The following CSNK2A1 variants were observed in gnomAD, a reference collection of about 807,000 sequenced individuals.
CSNK2A1 encodes casein kinase II subunit alpha.
In CSNK2A1, 10 loss-of-function variants were observed where a neutral mutation model predicts 62.9. That is an observed-to-expected ratio of 0.16 (90% CI 0.10 to 0.27). The LOEUF is 0.27. Among genes scored for constraint, CSNK2A1 ranks in the 10% least tolerant of loss-of-function variants. The probability of loss-of-function intolerance (pLI) is 1.00; values close to 1 mark genes in which losing one functional copy is unlikely to be tolerated. For synonymous variants in CSNK2A1, 124 were observed against 167.8 expected (o/e 0.74, Z 2.02); for missense variants, 160 against 492.0 (o/e 0.33, Z 6.38).
At chr20:526,179 T>G (rs1223261550) in intron 2 of CSNK2A1, among the ~76,000 whole-genome samples, 1 of 151,424 alleles carries the variant, frequency 6.6e-6, no homozygotes, top group Non-Finnish European at 1.5e-5. Flanking sequence ...ATTGAGTCTT[T>G]AAAAATGCTC....
rs1179957054 is a variant in CSNK2A1 at position 492,126 on chromosome 20, A to G, written c.621+128T>C. ...GTGATTTATATTTTACATTTCATAT[A>G]AAAAGGACAGCTGTGAATGTGCATT... On this transcript the variant is annotated intron_variant, in intron 9 of 13. Coordinates refer to ENST00000217244, the MANE Select transcript of CSNK2A1 (RefSeq NM_177559.3). 6.0e-6 allele frequency: 4 copies of G among 668,594 alleles called. No homozygotes were observed. The African/African-American group carries it at 7.3e-5, about 12-fold the overall frequency. The allele number at this position is 668,594 out of a possible 1,614,324, so 41.4% of individuals were successfully genotyped here.
At position 478,673 on chromosome 20, in the gene CSNK2A1, A is replaced by C. The variant is rs756556901; in HGVS notation, c.*5288T>G. 12 of 429,828 alleles carry C rather than the reference A, an allele frequency of 2.8e-5. No homozygotes were observed. Among genetic ancestry groups the C allele is most frequent in the African/African-American group, 1.9e-4 (9 of 47,382 alleles). 26.6% of individuals were successfully genotyped at this position (429,828 alleles called of 1,614,324 possible). A position where few individuals can be genotyped will look rare whatever the true frequency, so the allele number is the denominator to read the frequency against. On this transcript the variant is annotated 3_prime_UTR_variant, in exon 14 of 14. Transcript: ENST00000217244. Reference sequence around the variant, plus strand: ...GCCAGGTGTGGTGGCTCATGCCTCTAATCTCAGCACTTTGGGAGGCCAAGG... The same window carrying C: ...GCCAGGTGTGGTGGCTCATGCCTCTCATCTCAGCACTTTGGGAGGCCAAGG...
At chr20:498,423 C>T (rs2018390896) in intron 6 of CSNK2A1, 1 of 150,804 alleles carries the variant, frequency 6.6e-6, no homozygotes, top group Non-Finnish European at 1.5e-5. Context: ...TCACTGCAAC[C>T]TCAAACTCCT....
At chr20:509,730 C>T (rs2018676342) in intron 2 of CSNK2A1, among the ~76,000 whole-genome samples, 1 of 152,158 alleles carries the variant, frequency 6.6e-6, no homozygotes, top group African/African-American at 2.4e-5. Context: ...CACGCACCAC[C>T]ACCCTCAGCT....
rs921565395 is a variant in CSNK2A1, at chr20:478,242, G to A, written c.*5719C>T. 1 of 153,482 alleles carries A rather than the reference G, an allele frequency of 6.5e-6. No individual in the cohort carries two copies. Among genetic ancestry groups the A allele is most frequent in the South Asian group, 2.0e-4 (1 of 5,046 alleles). 9.5% of individuals were successfully genotyped at this position (153,482 alleles called of 1,614,324 possible). On this transcript the variant is annotated 3_prime_UTR_variant, in exon 14 of 14. Coordinates refer to ENST00000217244, the MANE Select transcript of CSNK2A1 (RefSeq NM_177559.3). ...CAGCGTGGGTGGGTGAGGAATGCCA[G>A]AGACGGGAGAACAAAATGAGGTATA... is the stretch of plus-strand genomic sequence containing the variant.
chr20:495,917 G>A (rs1032064243), intron 7 of CSNK2A1, 115 bp from the exon 8 acceptor site: 6 of 773,790 alleles, frequency 7.8e-6, no homozygotes, highest in Non-Finnish European at 1.3e-5. Context: ...GATTCAAGCT[G>A]AGGACACAGT....
intron 9 of CSNK2A1, among the ~76,000 whole-genome samples, chr20:490,345 T>C (rs1455076381): frequency 7.3e-6 from 1 of 137,406 alleles, no homozygotes; most frequent in African/African-American, 3.2e-5. Context: ...CTTTTTTTTT[T>C]TTTTTTAGTT....
At chr20:487,307 A>C in intron 12 of CSNK2A1, 120 bp downstream of exon 12, 1 of 1,421,696 alleles carries the variant, frequency 7.0e-7, no homozygotes, top group Non-Finnish European at 9.6e-7. Flanking sequence ...CACTGGAAGA[A>C]TCTGAGGCTC....
At chr20:536,942 T>A (rs1393224677) in intron 1 of CSNK2A1, among the ~76,000 whole-genome samples, 1 of 152,200 alleles carries the variant, frequency 6.6e-6, no homozygotes, top group Non-Finnish European at 1.5e-5. Context: ...TATTTCTGGA[T>A]ATGACATGAT....
intron 4 of CSNK2A1, 146 bp from the exon 5 acceptor site, chr20:500,080 CCTT>C: frequency 1.6e-6 from 1 of 641,064 alleles, no homozygotes; most frequent in African/African-American, 1.8e-5. Context: ...GTCTCTGAAT[CCTT>C]CTCCTAGCAC....
At chr20:491,942 A>AAAACAG (rs1448862463) in intron 9 of CSNK2A1, among the ~76,000 whole-genome samples, 1 of 152,140 alleles carries the variant, frequency 6.6e-6, no homozygotes, top group African/African-American at 2.4e-5. Context: ...AACAAAAACA[A>AAAACAG]AAACAAAACA....
chr20:505,350 G>GTT, intron 3 of CSNK2A1, 121 bp from the exon 4 acceptor site: 1 of 390,576 alleles, frequency 2.6e-6, no homozygotes, highest in Non-Finnish European at 4.5e-6. Flanking sequence ...TTCCCAAATA[G>GTT]GTTTTTTTTT....
chr20:487,709 T>C, intron 11 of CSNK2A1, 134 bp from the exon 12 acceptor site: 1 of 1,177,080 alleles, frequency 8.5e-7, no homozygotes. Flanking sequence ...AGGGTAGTCT[T>C]GCACCGCTCT....
At chr20:506,703 GA>G (rs2018609078) in intron 3 of CSNK2A1, 1 of 152,124 alleles carries the variant, frequency 6.6e-6, no homozygotes. Flanking sequence ...GAAAGTGAAT[GA>G]AAAGACAAAA....
chr20:484,165 A>G (rs943811831), intron 13 of CSNK2A1, 89 bp from the exon 14 acceptor site: 24 of 1,073,928 alleles, frequency 2.2e-5, no homozygotes, highest in South Asian at 2.0e-4. Context: ...AAGGAACACA[A>G]TAATTCTTTA....
chr20:541,536 T>C (rs935178788), intron 1 of CSNK2A1, among the ~76,000 whole-genome samples: 3 of 152,188 alleles, frequency 2.0e-5, no homozygotes, highest in South Asian at 2.1e-4. Context: ...CAAAGATGTA[T>C]GTTCAGAGAT....
At chr20:527,808 G>A (rs571825828) in intron 2 of CSNK2A1, 125 bp downstream of exon 2, 20 of 152,300 alleles carry the variant, frequency 1.3e-4, no homozygotes, top group African/African-American at 4.3e-4. Flanking sequence ...CAAAGTGCTA[G>A]GGTTACAGGC....
intron 4 of CSNK2A1, 105 bp downstream of exon 4, chr20:505,013 T>G: frequency 1.1e-6 from 1 of 908,338 alleles, no homozygotes; most frequent in Non-Finnish European, 1.6e-6. Context: ...TTTATTTATT[T>G]GCTTTGGCAC....
chr20:485,113 T>TAC (rs1568496745), intron 13 of CSNK2A1, among the ~76,000 whole-genome samples: 1 of 37,188 alleles, frequency 2.7e-5, no homozygotes, highest in African/African-American at 1.1e-4. Flanking sequence ...AAAAAAAATA[T>TAC]ATATATATAT....
Sources: gnomAD v4.1 joint callset for allele counts (sites outside exome capture counted in the v4.1 genomes callset) on GRCh38, gnomAD v4.1.1 for gene constraint, MANE v1.5 for transcripts, NCBI Gene and HGNC (gene_info 2026-07-23, HGNC 2026-07-21) for gene names.